Variants in OSBPL3 observed in about 807,000 individuals in gnomAD.
OSBPL3 encodes oxysterol binding protein like 3.
In OSBPL3, 65 loss-of-function variants were observed where a neutral mutation model predicts 120.1. The observed-to-expected ratio is 0.54, with a 90% CI of 0.44 to 0.67. OSBPL3 has a LOEUF of 0.67. OSBPL3 is among the 30% of genes least tolerant of loss of function. The probability of loss-of-function intolerance (pLI) is 0.00; values close to 1 mark genes in which losing one functional copy is unlikely to be tolerated. For missense variants in OSBPL3, 1,004 were observed against 1,082.1 expected (o/e 0.93, Z 1.01); for synonymous variants, 416 against 402.6 (o/e 1.03, Z -0.40).
At position 24,867,022 on chromosome 7, in the gene OSBPL3, G is replaced by A. The variant is rs1302773364; in HGVS notation, c.382-785C>T. ...TCACCATGTTGGCCAGGCTGGTCTC[G>A]AACTCCTGACCTGGTGATCTGCCCG... On this transcript the variant is annotated intron_variant, in intron 5 of 22. Coordinates refer to ENST00000313367, the MANE Select transcript of OSBPL3 (RefSeq NM_015550.4). The surrounding 1 kb of genome is among the most constrained non-coding windows in gnomAD (Gnocchi z 4.5). 1.3e-5 allele frequency among the ~76,000 whole-genome samples: 2 copies of A among 152,084 alleles called. No homozygotes were observed. The highest frequency in any genetic ancestry group is 2.1e-4 in the South Asian group (1 of 4,830).
intron 5 of OSBPL3, among the ~76,000 whole-genome samples, chr7:24,866,960 C>T (rs62450560): frequency 0.14 from 20,693 of 152,066 alleles, 1,812 homozygotes; most frequent in East Asian, 0.39. Context: ...GCCATCATGC[C>T]CAGCTAATTT....
intron 1 of OSBPL3, among the ~76,000 whole-genome samples, chr7:24,962,020 A>G (rs758807962): frequency 6.6e-6 from 1 of 152,094 alleles, no homozygotes; most frequent in Admixed American, 6.5e-5. Flanking sequence ...TTGTTTAATA[A>G]AGAGACATTC....
rs1436493807 is a variant in OSBPL3, at chr7:24,872,539, TGCAA to T, written c.97-474_97-471del. Reference sequence around the variant, plus strand: ...GAATTGGCTGAACAGTATGAGACAATGCAAATCAGTAAATATGACAACTTGATTG... The same window carrying T: ...GAATTGGCTGAACAGTATGAGACAATATCAGTAAATATGACAACTTGATTG... On this transcript the variant is annotated intron_variant, in intron 2 of 22. Coordinates refer to ENST00000313367, the MANE Select transcript of OSBPL3 (RefSeq NM_015550.4). This position sits in a 1 kb window ranked among gnomAD's most constrained non-coding sequence, Gnocchi z 4.1. Among the ~76,000 whole-genome samples, 6 of 150,360 alleles carry T rather than the reference TGCAA, an allele frequency of 4.0e-5. No individual in the cohort carries two copies. Among genetic ancestry groups the T allele is most frequent in the African/African-American group, 1.5e-4 (6 of 40,950 alleles).
intron 1 of OSBPL3, among the ~76,000 whole-genome samples, chr7:24,928,412 C>G (rs6953791): frequency 6.6e-6 from 1 of 151,802 alleles, no homozygotes; most frequent in South Asian, 2.1e-4. Flanking sequence ...AGGATGGTCT[C>G]GATCTCCTGA....
rs1185700381 is a variant in OSBPL3, at chr7:24,852,003, A to G, written c.1158+501T>C. 6.6e-6 allele frequency among the ~76,000 whole-genome samples: 1 copy of G among 152,238 alleles called. No homozygotes were observed. The highest frequency in any genetic ancestry group is 1.9e-4 in the East Asian group (1 of 5,206). On this transcript the variant is annotated intron_variant, in intron 11 of 22. Coordinates refer to ENST00000313367, the MANE Select transcript of OSBPL3 (RefSeq NM_015550.4). This position sits in a 1 kb window ranked among gnomAD's most constrained non-coding sequence, Gnocchi z 4.1. ...GAAGCTAAATGTCTTGTACTATCCC[A>G]TCAAACAAAATAGCTCTCATGTCTT...
At chr7:24,832,334 A>AC (rs1263679667) in intron 15 of OSBPL3, among the ~76,000 whole-genome samples, 2 of 150,434 alleles carry the variant, frequency 1.3e-5, no homozygotes, top group Non-Finnish European at 3.0e-5. Context: ...ACATGGTGAA[A>AC]CCCCATCTCT....
In OSBPL3 at chr7:24,808,225, A is replaced by G. The variant is rs1382061115; in HGVS notation, c.2318-1323T>C. On this transcript the variant is annotated intron_variant, in intron 20 of 22. Coordinates refer to ENST00000313367, the MANE Select transcript of OSBPL3 (RefSeq NM_015550.4). This position sits in a 1 kb window ranked among gnomAD's most constrained non-coding sequence, Gnocchi z 4.6. ...TGGGACCCATTTTTTGAATCTTCAT[A>G]AGTCCTCCTTGTAACTAGTCTAATT... 6.6e-6 allele frequency among the ~76,000 whole-genome samples: 1 copy of G among 152,122 alleles called. No homozygotes were observed. Among genetic ancestry groups the G allele is most frequent in the Non-Finnish European group, 1.5e-5 (1 of 68,020 alleles).
Position 24,955,094 on chromosome 7 carries a change from C to T in OSBPL3, c.-150+24792G>A, listed in dbSNP as rs1403952388. Among the ~76,000 whole-genome samples, 1 of 152,196 alleles carries T rather than the reference C, an allele frequency of 6.6e-6. No individual in the cohort carries two copies. Among genetic ancestry groups the T allele is most frequent in the Admixed American group, 6.5e-5 (1 of 15,284 alleles). ...ACGGAGTTAGCCTTATCTCAAGTTTCATGAAAGCAGGGATTTTCTTTTGTT... is the reference window on the plus strand; with the variant it reads ...ACGGAGTTAGCCTTATCTCAAGTTTTATGAAAGCAGGGATTTTCTTTTGTT... On this transcript the variant is annotated intron_variant, in intron 1 of 22. Transcript: ENST00000313367. This position sits in a 1 kb window ranked among gnomAD's most constrained non-coding sequence, Gnocchi z 4.3.
At chr7:24,812,931 T>A (rs1191314039) in intron 19 of OSBPL3, among the ~76,000 whole-genome samples, 1 of 152,234 alleles carries the variant, frequency 6.6e-6, no homozygotes, top group Non-Finnish European at 1.5e-5. Context: ...CAGAGTAGAG[T>A]GCAGTGGTGC....
intron 1 of OSBPL3, among the ~76,000 whole-genome samples, chr7:24,924,953 G>T (rs916651383): frequency 3.3e-5 from 5 of 151,600 alleles, no homozygotes; most frequent in Non-Finnish European, 7.4e-5. Context: ...TTTCTTTTTT[G>T]TGTGTTTATA....
rs1444780533 is a variant in OSBPL3, at chr7:24,873,912, T to C, written c.97-1843A>G. Among the ~76,000 whole-genome samples, 4 of 152,180 alleles carry C rather than the reference T, an allele frequency of 2.6e-5. No homozygotes were observed. Among genetic ancestry groups the C allele is most frequent in the Non-Finnish European group, 4.4e-5 (3 of 68,020 alleles). Reference sequence around the variant, plus strand: ...TACCATTTCATCCTTAGAGACTCCATAGGTACTCCATCTTACTTTTCTGGA... The same window carrying C: ...TACCATTTCATCCTTAGAGACTCCACAGGTACTCCATCTTACTTTTCTGGA... On this transcript the variant is annotated intron_variant, in intron 2 of 22. Transcript: ENST00000313367. The surrounding 1 kb of genome is among the most constrained non-coding windows in gnomAD (Gnocchi z 4.1).
chr7:24,945,108 T>C (rs1250319045), intron 1 of OSBPL3, among the ~76,000 whole-genome samples: 4 of 152,216 alleles, frequency 2.6e-5, no homozygotes, highest in Non-Finnish European at 4.4e-5. Flanking sequence ...TCTTAAGTAA[T>C]ATTATCACTT....
intron 1 of OSBPL3, among the ~76,000 whole-genome samples, chr7:24,911,509 C>T (rs925469884): frequency 6.6e-6 from 1 of 152,178 alleles, no homozygotes; most frequent in Non-Finnish European, 1.5e-5. Context: ...TAAGTGCTAA[C>T]TGAACACTCT....
chr7:24,879,642 GACA>G lies in OSBPL3; in HGVS notation c.97-7576_97-7574del, dbSNP rs1193514863. On this transcript the variant is annotated intron_variant, in intron 2 of 22. Coordinates refer to ENST00000313367, the MANE Select transcript of OSBPL3 (RefSeq NM_015550.4). The surrounding 1 kb of genome is among the most constrained non-coding windows in gnomAD (Gnocchi z 5.6). ...TCAGTCCTTGCCAGCAGCTGATACT[GACA>G]ACAAGGAGATAAAATCCTGTGGGCT... 1.3e-5 allele frequency among the ~76,000 whole-genome samples: 2 copies of G among 152,224 alleles called. No individual in the cohort carries two copies. The highest frequency in any genetic ancestry group is 2.4e-5 in the African/African-American group (1 of 41,462).
chr7:24,938,724 A>T lies in OSBPL3; in HGVS notation c.-150+41162T>A, dbSNP rs1378234806. ...AAATAACATACACAGGCAAGACCTT[A>T]GTCACACGGCCATACCTAGCTGCAA... On this transcript the variant is annotated intron_variant, in intron 1 of 22. Transcript: ENST00000313367. The surrounding 1 kb of genome is among the most constrained non-coding windows in gnomAD (Gnocchi z 5.8). Among the ~76,000 whole-genome samples, 2 of 151,486 alleles carry T rather than the reference A, an allele frequency of 1.3e-5. No individual in the cohort carries two copies. The highest frequency in any genetic ancestry group is 2.9e-5 in the Non-Finnish European group (2 of 67,952).
rs983698098 is a variant in OSBPL3, at chr7:24,804,551, G to A, written c.2445-114C>T. On this transcript the variant is annotated intron_variant, in intron 21 of 22. Transcript: ENST00000313367. The surrounding 1 kb of genome is among the most constrained non-coding windows in gnomAD (Gnocchi z 5.4). ...GGATATTCAAAATCCTCTCCTATAC[G>A]TAAGACCCCGCCCCAACCGTTTAAT... 9.9e-6 allele frequency: 9 copies of A among 911,538 alleles called. 1 individual carries two copies. Among genetic ancestry groups the A allele is most frequent in the Non-Finnish European group, 1.3e-5 (8 of 599,982 alleles). The allele number at this position is 911,538 out of a possible 1,614,324, so 56.5% of individuals were successfully genotyped here.
At chr7:24,897,394 C>T (rs968568505) in intron 1 of OSBPL3, among the ~76,000 whole-genome samples, 1 of 142,208 alleles carries the variant, frequency 7.0e-6, no homozygotes, top group South Asian at 2.3e-4. Context: ...GGCGCGATCT[C>T]GGCTCACTGC....
intron 16 of OSBPL3, among the ~76,000 whole-genome samples, chr7:24,829,519 A>G (rs539776597): frequency 1.3e-5 from 2 of 152,164 alleles, no homozygotes; most frequent in African/African-American, 2.4e-5. Flanking sequence ...CTCTCCCTGT[A>G]GTGCAAATCC....
In OSBPL3 at chr7:24,953,825, A is replaced by T. The variant is rs775301883; in HGVS notation, c.-150+26061T>A. Among the ~76,000 whole-genome samples the T allele has an allele frequency of 6.6e-6, 1 of 152,264 alleles. No homozygotes were observed. The highest frequency in any genetic ancestry group is 1.5e-5 in the Non-Finnish European group (1 of 68,046). On this transcript the variant is annotated intron_variant, in intron 1 of 22. Transcript: ENST00000313367. This position sits in a 1 kb window ranked among gnomAD's most constrained non-coding sequence, Gnocchi z 4.3. ...CATTAAATGTTCAACGGCATGAACT[A>T]GAAGCAGGCAGCATGTATCCCAGGA...
Sources: gnomAD v4.1 joint callset for allele counts (sites outside exome capture counted in the v4.1 genomes callset) on GRCh38, gnomAD v4.1.1 for gene constraint, Gnocchi (gnomAD v3.1) non-coding constraint, MANE v1.5 for transcripts, NCBI Gene and HGNC (gene_info 2026-07-23, HGNC 2026-07-21) for gene names.